Variants in SFTPD observed in about 807,000 individuals in gnomAD.
SFTPD encodes the protein surfactant protein D, also known as pulmonary surfactant-associated protein D.
SFTPD carries 18 observed loss-of-function variants against 34.6 expected under a neutral mutation model. That is an observed-to-expected ratio of 0.52 (90% CI 0.36 to 0.77). The LOEUF (loss-of-function observed/expected upper bound fraction) is 0.77. Among genes scored for constraint, SFTPD ranks in the 30% least tolerant of loss-of-function variants. SFTPD has a pLI of 0.00. For synonymous variants in SFTPD, 155 were observed against 180.9 expected (o/e 0.86, Z 1.15); for missense variants, 433 against 468.9 (o/e 0.92, Z 0.71).
At chr10:79,964,000 G>A (rs1330380213) in intron 1 of SFTPD, among the ~76,000 whole-genome samples, 1 of 151,758 alleles carries the variant, frequency 6.6e-6, no homozygotes, top group Non-Finnish European at 1.5e-5. Flanking sequence ...TTTATTGATG[G>A]CAGTTCCACC....
upstream of SFTPD, among the ~76,000 whole-genome samples, chr10:79,949,624 G>C (rs537480323): frequency 3.9e-5 from 6 of 152,224 alleles, no homozygotes; most frequent in Non-Finnish European, 8.8e-5. Context: ...GCAGCAGCTA[G>C]GGAGCTGCCA....
chr10:79,949,410 C>T (rs1196318729), upstream of SFTPD, among the ~76,000 whole-genome samples: 10 of 152,176 alleles, frequency 6.6e-5, no homozygotes, highest in Admixed American at 6.5e-4. Context: ...GTCCAGAGAC[C>T]AGCAGGTTGC....
At chr10:79,944,697 C>T (rs1249494836) in intron 2 of SFTPD, among the ~76,000 whole-genome samples, 1 of 151,994 alleles carries the variant, frequency 6.6e-6, no homozygotes, top group East Asian at 1.9e-4. Context: ...TGGGACTCCC[C>T]CACGGAATAT....
At chr10:79,954,716 C>T (rs1233505592) in intron 1 of SFTPD, among the ~76,000 whole-genome samples, 2 of 152,118 alleles carry the variant, frequency 1.3e-5, no homozygotes, top group Non-Finnish European at 2.9e-5. Context: ...ATGGACAAGT[C>T]TGTTAATAAG....
intron 1 of SFTPD, among the ~76,000 whole-genome samples, chr10:79,948,823 C>T (rs1390769567): frequency 2.0e-5 from 3 of 152,144 alleles, no homozygotes; most frequent in Admixed American, 6.5e-5. Flanking sequence ...GTGTCACACC[C>T]ACTCTTCCAC....
At chr10:79,972,313 C>G (rs1692530950) in intron 1 of SFTPD, 1 of 152,270 alleles carries the variant, frequency 6.6e-6, no homozygotes, top group South Asian at 2.1e-4. Flanking sequence ...GCCTGACCAA[C>G]ATAGTGAAAC....
At chr10:79,973,283 A>G (rs1384394596) in intron 1 of SFTPD, 1 of 152,034 alleles carries the variant, frequency 6.6e-6, no homozygotes, top group Non-Finnish European at 1.5e-5. Context: ...AGGATACATC[A>G]TGGATCTTCA....
intron 1 of SFTPD, chr10:79,981,832 G>A: frequency 4.7e-6 from 1 of 211,944 alleles, no homozygotes; most frequent in Non-Finnish European, 9.4e-6. Flanking sequence ...GACCGGCAGT[G>A]GCCTTCATGG....
At chr10:79,962,928 A>C (rs1041696380) in intron 1 of SFTPD, among the ~76,000 whole-genome samples, 1 of 152,200 alleles carries the variant, frequency 6.6e-6, no homozygotes, top group African/African-American at 2.4e-5. Flanking sequence ...TAACCATGAA[A>C]AGTATTACAA....
At chr10:79,961,131 A>T (rs1842770000) in intron 1 of SFTPD, among the ~76,000 whole-genome samples, 1 of 152,224 alleles carries the variant, frequency 6.6e-6, no homozygotes, top group Admixed American at 6.5e-5. Context: ...CTTACACCTT[A>T]TACAAAAATT....
Position 79,942,423 on chromosome 10 carries a change from C to T in SFTPD, c.398G>A (p.Gly133Asp). The change falls in exon 4 of 8, where the codon GGC becomes GAC. Residue 133 changes from glycine (G) to aspartate (D), a missense_variant. Physicochemically the swap from Gly to Asp is moderately conservative, Grantham distance 94. Coordinates refer to ENST00000372292, the MANE Select transcript of SFTPD (RefSeq NM_003019.5). ...AGCTTCTCCTTTTGGGCCTGGCTTG[C>T]CCTGAGGTCCTATGTTCCCCTGCTT... ...LGKQGNIGPQ[G>D]KPGPKGEAGP... The T allele has an allele frequency of 6.2e-7, 1 of 1,613,426 alleles. No homozygotes were observed. Among genetic ancestry groups the T allele is most frequent in the South Asian group, 1.1e-5 (1 of 91,076 alleles).
At chr10:79,949,036 T>G (rs1267644977) in intron 1 of SFTPD, 30 bp downstream of exon 1, 1 of 152,062 alleles carries the variant, frequency 6.6e-6, no homozygotes, top group Non-Finnish European at 1.5e-5. Flanking sequence ...GTGGAGAAAA[T>G]AAAAAGAAGG....
intron 6 of SFTPD, 126 bp from the exon 7 acceptor site, chr10:79,940,914 C>A: frequency 1.6e-6 from 1 of 636,582 alleles, no homozygotes; most frequent in East Asian, 2.7e-5. Context: ...ACAGCAAGCC[C>A]ACATCTACTG....
chr10:79,980,114 CAGTGGTAACCAGGCAGTA>C (rs1309541676), intron 1 of SFTPD, among the ~76,000 whole-genome samples: 2 of 152,162 alleles, frequency 1.3e-5, no homozygotes, highest in African/African-American at 4.8e-5. Context: ...GAATAAACAT[CAGTGGTAACCAGGCAGTA>C]AGTACCATGG....
intron 1 of SFTPD, among the ~76,000 whole-genome samples, chr10:79,948,514 G>A (rs1354288455): frequency 1.3e-5 from 2 of 152,162 alleles, no homozygotes; most frequent in Admixed American, 1.3e-4. Flanking sequence ...AGCTTTCAGA[G>A]TACAATTTCA....
intron 1 of SFTPD, among the ~76,000 whole-genome samples, chr10:79,976,515 G>A (rs974194483): frequency 6.6e-6 from 1 of 152,172 alleles, no homozygotes; most frequent in Non-Finnish European, 1.5e-5. Context: ...AAGAGTGATG[G>A]CACCACCACT....
rs566693542 is a variant in SFTPD, at chr10:79,978,973, A to C, written c.36+3602T>G. Reference sequence around the variant, plus strand: ...TAAACCCTAAAGACTCCACCAAAAAACTGTTAGAATAAATAAATTCGGTAA... The same window carrying C: ...TAAACCCTAAAGACTCCACCAAAAACCTGTTAGAATAAATAAATTCGGTAA... On this transcript the variant is annotated intron_variant, in intron 1 of 5. Coordinates refer to the SFTPD transcript ENST00000444384. Among the ~76,000 whole-genome samples the C allele has an allele frequency of 2.3e-3, 352 of 152,262 alleles. 5 individuals carry two copies. Among genetic ancestry groups the C allele is most frequent in the African/African-American group, 8.1e-3 (336 of 41,554 alleles).
At chr10:79,945,117 G>A (rs1842652855) in intron 2 of SFTPD, among the ~76,000 whole-genome samples, 1 of 152,104 alleles carries the variant, frequency 6.6e-6, no homozygotes, top group Non-Finnish European at 1.5e-5. Context: ...CTGACCCAAA[G>A]CCAGGCCTGG....
chr10:79,946,572 T>G lies in SFTPD; in HGVS notation c.88A>C (p.Thr30Pro), dbSNP rs753941652. 6.2e-7 allele frequency: 1 copy of G among 1,614,200 alleles called. No individual in the cohort carries two copies. Among genetic ancestry groups the G allele is most frequent in the Non-Finnish European group, 8.5e-7 (1 of 1,180,008 alleles). ...EAEMKTYSHR[T>P]MPSACTLVMC... is the part of the protein sequence containing the mutation. ...ACCAGGGTGCAAGCACTGGGCATTG[T>G]TCTGTGGGAGTAGGTCTTCATTTCT... Residue 30 changes from threonine to proline, a missense_variant, in exon 2 of 8, where the codon ACA becomes CCA. Coordinates refer to ENST00000372292, the MANE Select transcript of SFTPD (RefSeq NM_003019.5).
Sources: gnomAD v4.1 joint callset for allele counts (sites outside exome capture counted in the v4.1 genomes callset) on GRCh38, gnomAD v4.1.1 for gene constraint, MANE v1.5 for transcripts, NCBI Gene and HGNC (gene_info 2026-07-23, HGNC 2026-07-21) for gene names.